GLO1: variants seen among roughly 807,000 people sequenced by gnomAD.
GLO1 encodes lactoylglutathione lyase.
A neutral mutation model predicts 26.0 loss-of-function variants in GLO1; 28 were observed. The ratio of observed to expected loss-of-function variants is 1.08; its 90% CI spans 0.80 to 1.48. The LOEUF (loss-of-function observed/expected upper bound fraction) is 1.48. GLO1 is among the 40% of genes most tolerant of loss of function. The pLI is 0.00. For missense variants in GLO1, 225 were observed against 224.8 expected (o/e 1.00, Z -0.01); for synonymous variants, 78 against 77.6 (o/e 1.00, Z -0.03).
intron 5 of GLO1, among the ~76,000 whole-genome samples, chr6:38,678,166 T>C (rs1306604341): frequency 6.6e-6 from 1 of 152,172 alleles, no homozygotes; most frequent in Non-Finnish European, 1.5e-5. Context: ...GTCTAGTATG[T>C]CAGAGCTGTT....
chr6:38,697,205 G>C (rs146505978), intron 1 of GLO1, among the ~76,000 whole-genome samples: 1 of 152,288 alleles, frequency 6.6e-6, no homozygotes, highest in African/African-American at 2.4e-5. Flanking sequence ...GAGCCACCGG[G>C]CCTGGCCCAG....
intron 1 of GLO1, among the ~76,000 whole-genome samples, chr6:38,692,554 T>C (rs1761546817): frequency 6.6e-6 from 1 of 152,092 alleles, no homozygotes; most frequent in Non-Finnish European, 1.5e-5. Flanking sequence ...TACTGCACTG[T>C]CTAGAACTTT....
At chr6:38,689,485 C>T (rs187321922) in intron 1 of GLO1, among the ~76,000 whole-genome samples, 2 of 152,194 alleles carry the variant, frequency 1.3e-5, no homozygotes, top group African/African-American at 4.8e-5. Flanking sequence ...ACTATACAGG[C>T]TATACTCAAA....
intron 1 of GLO1, among the ~76,000 whole-genome samples, chr6:38,699,641 G>A (rs1761665956): frequency 6.6e-6 from 1 of 152,054 alleles, no homozygotes; most frequent in Admixed American, 6.5e-5. Flanking sequence ...GTCTATAAAC[G>A]CCCGCTCTGG....
rs538968828 is a variant in GLO1 at position 38,697,679 on chromosome 6, C to G, written c.84+5292G>C. On this transcript the variant is annotated intron_variant, in intron 1 of 5. Coordinates refer to ENST00000373365, the MANE Select transcript of GLO1 (RefSeq NM_006708.3). The stretch of plus-strand genomic sequence containing the variant: ...GTTTTCTGGGAAACTAGGGAGTTAA[C>G]GAAAAGTCAAATTTTCATAAAAGGG... Among the ~76,000 whole-genome samples, 17 of 152,226 alleles carry G rather than the reference C, an allele frequency of 1.1e-4. No individual in the cohort carries two copies. In the South Asian group the frequency reaches 3.5e-3, roughly 32 times the overall value.
chr6:38,678,345 A>G, intron 5 of GLO1, among the ~76,000 whole-genome samples: 1 of 150,592 alleles, frequency 6.6e-6, no homozygotes, highest in African/African-American at 2.5e-5. Flanking sequence ...AGAGAAAGAG[A>G]GAAAGAGAGA....
intron 1 of GLO1, among the ~76,000 whole-genome samples, chr6:38,696,314 T>C (rs754251684): frequency 3.1e-4 from 47 of 152,270 alleles, no homozygotes; most frequent in Admixed American, 1.7e-3. Context: ...GAAGTATTAC[T>C]AGAGAGCTTT....
In GLO1 at chr6:38,702,992, G is replaced by T; in HGVS notation, c.63C>A (p.Ser21=). 6.3e-7 allele frequency: 1 copy of T among 1,591,782 alleles called. No homozygotes were observed. Among genetic ancestry groups the T allele is most frequent in the Non-Finnish European group, 8.6e-7 (1 of 1,161,978 alleles). ...LTDEAALSCC[S]DADPSTKDFL... is the part of the protein sequence containing the mutation. ...CCACCTTGGTACTGGGGTCCGCGTC[G>T]GAGCAGCAACTGAGGGCGGCCTCGT... is the stretch of plus-strand genomic sequence containing the variant. Residue 21 remains serine (S), a synonymous_variant, in exon 1 of 6, where the codon TCC becomes TCA. Transcript: ENST00000373365.
intron 1 of GLO1, among the ~76,000 whole-genome samples, chr6:38,694,437 G>C (rs1037577643): frequency 2.6e-5 from 4 of 152,176 alleles, no homozygotes; most frequent in African/African-American, 9.7e-5. Flanking sequence ...CCAGCACTTT[G>C]GGAGGCCGAG....
chr6:38,678,897 C>T (rs1021811506), intron 5 of GLO1, among the ~76,000 whole-genome samples: 1 of 152,142 alleles, frequency 6.6e-6, no homozygotes, highest in Non-Finnish European at 1.5e-5. Flanking sequence ...CTGGCCTAGG[C>T]TTATCCAGCC....
At chr6:38,683,483 TA>T (rs1353147180) in intron 3 of GLO1, among the ~76,000 whole-genome samples, 1 of 152,202 alleles carries the variant, frequency 6.6e-6, no homozygotes, top group African/African-American at 2.4e-5. Context: ...AGCAAAATAA[TA>T]AAAGAACAAA....
At chr6:38,699,438 G>C (rs1761662179) in intron 1 of GLO1, among the ~76,000 whole-genome samples, 1 of 152,092 alleles carries the variant, frequency 6.6e-6, no homozygotes, top group Admixed American at 6.5e-5. Flanking sequence ...CAGAAAAACA[G>C]CGATTTTAGG....
intron 1 of GLO1, among the ~76,000 whole-genome samples, chr6:38,692,811 C>G (rs1173907944): frequency 6.6e-6 from 1 of 150,730 alleles, no homozygotes; most frequent in Non-Finnish European, 1.5e-5. Context: ...TCTTTACCCT[C>G]TTAATATGGT....
intron 5 of GLO1, among the ~76,000 whole-genome samples, chr6:38,681,515 T>C (rs1008804052): frequency 2.6e-5 from 4 of 152,164 alleles, no homozygotes; most frequent in Non-Finnish European, 4.4e-5. Flanking sequence ...TAACAATACA[T>C]GTAAACCCAG....
chr6:38,694,886 A>G (rs1157653882), intron 1 of GLO1, among the ~76,000 whole-genome samples: 3 of 152,184 alleles, frequency 2.0e-5, no homozygotes, highest in African/African-American at 7.2e-5. Context: ...TCTTTGCCCC[A>G]AAGTCTACTT....
At chr6:38,678,436 G>A (rs374917977) in intron 5 of GLO1, among the ~76,000 whole-genome samples, 5 of 141,948 alleles carry the variant, frequency 3.5e-5, no homozygotes, top group African/African-American at 5.4e-5. Context: ...AAAAGAAAAG[G>A]AAAGAAAGAA....
intron 5 of GLO1, among the ~76,000 whole-genome samples, chr6:38,680,255 C>T (rs2736656): frequency 6.6e-6 from 1 of 152,176 alleles, no homozygotes; most frequent in Non-Finnish European, 1.5e-5. Context: ...GGTGCGGTGG[C>T]TCATAGCTGT....
intron 3 of GLO1, among the ~76,000 whole-genome samples, chr6:38,684,088 G>A (rs1450252367): frequency 6.6e-6 from 1 of 152,002 alleles, no homozygotes; most frequent in Non-Finnish European, 1.5e-5. Flanking sequence ...GCTGGGTGTG[G>A]TGGCACACAT....
chr6:38,695,199 G>C (rs1761591080), intron 1 of GLO1, among the ~76,000 whole-genome samples: 1 of 151,792 alleles, frequency 6.6e-6, no homozygotes, highest in African/African-American at 2.4e-5. Context: ...TGGGTCACTG[G>C]AACTTTTTAA....
Sources: gnomAD v4.1 joint callset for allele counts (sites outside exome capture counted in the v4.1 genomes callset) on GRCh38, gnomAD v4.1.1 for gene constraint, MANE v1.5 for transcripts, NCBI Gene and HGNC (gene_info 2026-07-23, HGNC 2026-07-21) for gene names.